The following UBE3B variants were observed in gnomAD, a reference collection of about 807,000 sequenced individuals.
UBE3B encodes the protein ubiquitin protein ligase E3B, also known as ubiquitin-protein ligase E3B.
UBE3B carries 80 observed loss-of-function variants against 132.3 expected under a neutral mutation model. The ratio of observed to expected loss-of-function variants is 0.60; its 90% CI spans 0.50 to 0.73. The LOEUF is 0.73. UBE3B is among the 30% of genes least tolerant of loss of function. UBE3B has a pLI of 0.00. For synonymous variants in UBE3B, 487 were observed against 520.4 expected (o/e 0.94, Z 0.87); for missense variants, 1,196 against 1,362.5 (o/e 0.88, Z 1.92).
chr12:109,498,589 T>G (rs1160602435), intron 11 of UBE3B, among the ~76,000 whole-genome samples: 7 of 152,328 alleles, frequency 4.6e-5, no homozygotes, highest in Middle Eastern at 3.4e-3. Context: ...GATGTCAGCC[T>G]TTAGCTTCCT....
rs549374486 is a variant in UBE3B, at chr12:109,531,832, C to G, written c.2922+1174C>G. On this transcript the variant is annotated intron_variant, in intron 26 of 27. Transcript: ENST00000342494. ...GCTATAAAACGGCTCACGCTGGCCC[C>G]TCCTACAGAGGAAAACCAGTGTCTC... Among the ~76,000 whole-genome samples, 42 of 152,246 alleles carry G rather than the reference C, an allele frequency of 2.8e-4. 1 individual carries two copies. The highest frequency in any genetic ancestry group is 9.6e-4 in the African/African-American group (40 of 41,552).
intron 5 of UBE3B, 97 bp from the exon 6 acceptor site, chr12:109,486,374 C>A: frequency 5.2e-6 from 5 of 969,878 alleles, no homozygotes; most frequent in South Asian, 1.6e-5. Flanking sequence ...CTTTATCTGG[C>A]ACTGGACCTA....
At chr12:109,505,950 A>C (rs543155461) in intron 14 of UBE3B, among the ~76,000 whole-genome samples, 1 of 152,306 alleles carries the variant, frequency 6.6e-6, no homozygotes, top group South Asian at 2.1e-4. Context: ...ACACACCTTA[A>C]TGTATATTCA....
the UBE3B span, among the ~76,000 whole-genome samples, chr12:109,545,208 G>A: frequency 1.3e-3 from 201 of 152,356 alleles, no homozygotes; most frequent in African/African-American, 4.1e-3. Flanking sequence ...TGTGGGGCTT[G>A]GTGTGAAGTC....
intron 6 of UBE3B, 127 bp downstream of exon 6, chr12:109,486,702 C>A (rs1313697466): frequency 3.9e-6 from 3 of 772,098 alleles, no homozygotes; most frequent in Non-Finnish European, 4.0e-6. Flanking sequence ...AGCCACTGTT[C>A]TGGAAGAGAG....
chr12:109,511,379 A>G, intron 18 of UBE3B, 76 bp downstream of exon 18: 3 of 1,363,044 alleles, frequency 2.2e-6, no homozygotes, highest in South Asian at 1.3e-5. Context: ...CATCCTTGCT[A>G]TGGCAATTGG....
At position 109,503,153 on chromosome 12, in the gene UBE3B, G is replaced by A; in HGVS notation, c.1413G>A (p.Leu471=). The change falls in exon 14 of 28, where the codon CTG becomes CTA. Residue 471 remains leucine, a synonymous_variant. Transcript: ENST00000342494. ...TCTGTGTCCTCTACCAGACCTCGCT[G>A]ACAACTCTCACACAGATTCGGCTGC... ...CNICVLYQTS[L]TTLTQIRLQI... The A allele has an allele frequency of 6.2e-7, 1 of 1,614,196 alleles. No individual in the cohort carries two copies. The highest frequency in any genetic ancestry group is 1.3e-5 in the African/African-American group (1 of 75,046).
chr12:109,530,556 A>G lies in UBE3B; in HGVS notation c.2820A>G (p.Thr940=). 6.2e-7 allele frequency: 1 copy of G among 1,614,160 alleles called. No individual in the cohort carries two copies. Among genetic ancestry groups the G allele is most frequent in the Non-Finnish European group, 8.5e-7 (1 of 1,180,004 alleles). The part of the protein sequence containing the change: ...EIDLEDLKKH[T]VYYGGFHGSH... ...TCTGTATTGCTTTCAGGAAGCACAC[A>G]GTCTACTACGGTGGTTTCCATGGAA... Residue 940 remains threonine (T), a synonymous_variant, in exon 26 of 28, where the codon ACA becomes ACG. Coordinates refer to ENST00000342494, the MANE Select transcript of UBE3B (RefSeq NM_130466.4).
At chr12:109,506,675 G>T (rs1377717525) in intron 14 of UBE3B, among the ~76,000 whole-genome samples, 1 of 152,192 alleles carries the variant, frequency 6.6e-6, no homozygotes, top group Non-Finnish European at 1.5e-5. Context: ...TTTACACATT[G>T]TCTGTGGCCG....
At chr12:109,486,160 A>G (rs566619321) in intron 5 of UBE3B, 89 bp downstream of exon 5, 3 of 1,331,812 alleles carry the variant, frequency 2.3e-6, no homozygotes, top group East Asian at 5.0e-5. Flanking sequence ...ATTAGGACCA[A>G]TTCACACACA....
chr12:109,533,956 C>A lies in UBE3B; in HGVS notation c.3015+398C>A, dbSNP rs79313296. 1.3e-3 allele frequency: 1,694 copies of A among 1,306,516 alleles called. 25 individuals are homozygous for A. The African/African-American group carries it at 0.023, about 18-fold the overall frequency. The allele number at this position is 1,306,516 out of a possible 1,614,324, so 80.9% of individuals were successfully genotyped here. A position where few individuals can be genotyped will look rare whatever the true frequency, so the allele number is the denominator to read the frequency against. ...TACTCCTACCCCAGCAGGCTGTGCA[C>A]GTCCAGGCTCGCTGCTTCATTTCCT... On this transcript the variant is annotated intron_variant, in intron 27 of 27. Coordinates refer to ENST00000342494, the MANE Select transcript of UBE3B (RefSeq NM_130466.4).
intron 19 of UBE3B, among the ~76,000 whole-genome samples, chr12:109,517,401 C>A (rs1292256266): frequency 6.6e-6 from 1 of 152,198 alleles, no homozygotes; most frequent in South Asian, 2.1e-4. Flanking sequence ...TGAGCTAAAT[C>A]CGTTGTCTGG....
chr12:109,543,668 A>G, the UBE3B span, among the ~76,000 whole-genome samples: 1 of 152,210 alleles, frequency 6.6e-6, no homozygotes, highest in African/African-American at 2.4e-5. Flanking sequence ...CCTCGTCTCT[A>G]CTAAAAACAC....
chr12:109,505,490 T>C (rs770557364), intron 14 of UBE3B, among the ~76,000 whole-genome samples: 42 of 152,350 alleles, frequency 2.8e-4, no homozygotes, highest in Non-Finnish European at 4.7e-4. Context: ...AGTATATTTG[T>C]GATCTCCACA....
rs1881697050 is a variant in UBE3B, at chr12:109,521,419, T to TC, written c.2254-18dup. The TC allele has an allele frequency of 1.3e-6, 2 of 1,580,606 alleles. No individual in the cohort carries two copies. Among genetic ancestry groups the TC allele is most frequent in the African/African-American group, 2.7e-5 (2 of 74,372 alleles). ...TTGCAAGGCACTTGACCTCTGCCTC[T>TC]CCCCGTCTTTTTGCCTTGCAGACAA... On this transcript the variant is annotated intron_variant, in intron 20 of 27. Transcript: ENST00000342494. The surrounding 1 kb of genome is among the most constrained non-coding windows in gnomAD (Gnocchi z 4.2).
At chr12:109,478,358 A>G (rs1311686473) in intron 1 of UBE3B, among the ~76,000 whole-genome samples, 1 of 152,176 alleles carries the variant, frequency 6.6e-6, no homozygotes, top group Non-Finnish European at 1.5e-5. Flanking sequence ...AGTGATAAAT[A>G]ACTGTTTTGG....
chr12:109,531,902 T>G (rs568753755), intron 26 of UBE3B, among the ~76,000 whole-genome samples: 10 of 152,242 alleles, frequency 6.6e-5, no homozygotes, highest in African/African-American at 2.4e-4. Context: ...TGTTTGTGCC[T>G]TTGGATAACC....
In UBE3B at chr12:109,534,628, T is replaced by G. The variant is rs974252336; in HGVS notation, c.3053T>G (p.Phe1018Cys). The G allele has an allele frequency of 3.0e-5, 49 of 1,611,454 alleles. No homozygotes were observed. The highest frequency in any genetic ancestry group is 3.8e-5 in the Non-Finnish European group (45 of 1,178,848). Residue 1018 changes from phenylalanine to cysteine, a missense_variant, in exon 28 of 28, where the codon TTC becomes TGC. Coordinates refer to ENST00000342494, the MANE Select transcript of UBE3B (RefSeq NM_130466.4). The surrounding 1 kb of genome is among the most constrained non-coding windows in gnomAD (Gnocchi z 5.2). The part of the protein sequence containing the change: ...GDTLGSVLRG[F>C]FTIRKREPGG... ...ACTCTGGGCAGCGTCCTCCGGGGCT[T>G]CTTCACCATCCGCAAGCGGGAGCCA... is the stretch of plus-strand genomic sequence containing the variant.
In UBE3B at chr12:109,483,511, C is replaced by A; in HGVS notation, c.-21-20C>A. The A allele has an allele frequency of 6.6e-7, 1 of 1,526,304 alleles. No homozygotes were observed. The highest frequency in any genetic ancestry group is 8.8e-7 in the Non-Finnish European group (1 of 1,140,026). The allele number at this position is 1,526,304 out of a possible 1,614,324, so 94.5% of individuals were successfully genotyped here. A position where few individuals can be genotyped will look rare whatever the true frequency, so the allele number is the denominator to read the frequency against. On this transcript the variant is annotated intron_variant, in intron 2 of 27. Coordinates refer to ENST00000342494, the MANE Select transcript of UBE3B (RefSeq NM_130466.4). ...TTCACACAACAATCTACAACACCCA[C>A]TTGCCCATTTTCCTTGCAGGGTTTG...
Sources: gnomAD v4.1 joint callset for allele counts (sites outside exome capture counted in the v4.1 genomes callset) on GRCh38, gnomAD v4.1.1 for gene constraint, Gnocchi (gnomAD v3.1) non-coding constraint, MANE v1.5 for transcripts, NCBI Gene and HGNC (gene_info 2026-07-23, HGNC 2026-07-21) for gene names.